Variants in HDAC4 observed in about 807,000 individuals in gnomAD.
The protein encoded by HDAC4 is histone deacetylase A.
In HDAC4, 16 loss-of-function variants were observed where a neutral mutation model predicts 135.1. The observed-to-expected ratio is 0.12, with a 90% CI of 0.08 to 0.18. The LOEUF is 0.18. Among genes scored for constraint, HDAC4 ranks in the 10% least tolerant of loss-of-function variants. The pLI is 1.00. For missense variants in HDAC4, 1,143 were observed against 1,511.8 expected, an observed-to-expected ratio of 0.76 and a Z score of 4.05; for synonymous variants, 685 against 653.4, an observed-to-expected ratio of 1.05 and a Z score of -0.74.
intron 12 of HDAC4, among the ~76,000 whole-genome samples, chr2:239,120,516 G>A (rs1408062946): frequency 6.6e-6 from 1 of 150,700 alleles, no homozygotes; most frequent in Admixed American, 6.6e-5. Context: ...GGCACACAGA[G>A]ACAAGGAGAG....
At chr2:239,376,428 G>C (rs1183078520) in intron 1 of HDAC4, among the ~76,000 whole-genome samples, 2 of 150,294 alleles carry the variant, frequency 1.3e-5, no homozygotes, top group Non-Finnish European at 3.0e-5. Flanking sequence ...ATGGTGCCCA[G>C]ATGTGAGGAA....
At position 239,156,723 on chromosome 2, in the gene HDAC4, A is replaced by C; in HGVS notation, c.662T>G (p.Val221Gly). The change falls in exon 7 of 27, where the codon GTG (valine) becomes GGG (glycine). Residue 221 changes from valine (V) to glycine (G), a missense_variant. This residue lies in a region of HDAC4 where 247 missense variants were observed against 310.0 expected (regional missense o/e 0.80). Transcript: ENST00000543185. Reference protein sequence around the residue: ...LDQSSPPQSGVSTSYNHPVLG... With the variant: ...LDQSSPPQSGGSTSYNHPVLG... The stretch of plus-strand genomic sequence containing the variant: ...GACCGGGTGGTTATAGGAGGTCGAC[A>C]CTCCGCTCTGGGGTGGAGAACTCTG... 3 of 1,614,026 alleles carry C rather than the reference A, an allele frequency of 1.9e-6. No individual in the cohort carries two copies. The highest frequency in any genetic ancestry group is 2.5e-6 in the Non-Finnish European group (3 of 1,180,002).
rs1319064795 is a variant in HDAC4, at chr2:239,309,752, C to T, written c.22+42926G>A. ...GAGGCAATCCCCCCACACACCATCCCCTTCCCCTTCGCTCATCTGGGGAAG... is the reference window on the plus strand; with the variant it reads ...GAGGCAATCCCCCCACACACCATCCTCTTCCCCTTCGCTCATCTGGGGAAG... On this transcript the variant is annotated intron_variant, in intron 2 of 26. Coordinates refer to ENST00000543185, the MANE Select transcript of HDAC4 (RefSeq NM_001378414.1). This position sits in a 1 kb window ranked among gnomAD's most constrained non-coding sequence, Gnocchi z 4.2. Among the ~76,000 whole-genome samples the T allele has an allele frequency of 6.6e-6, 1 of 152,220 alleles. No homozygotes were observed. The highest frequency in any genetic ancestry group is 1.9e-4 in the East Asian group (1 of 5,174).
Position 239,237,490 on chromosome 2 carries a change from G to C in HDAC4, c.23-826C>G, listed in dbSNP as rs543415199. ...GTCATTTTCCTTACTAAGCGAAGGA[G>C]AGCACCAGTTTCGCAGGGCAGCCAT... On this transcript the variant is annotated intron_variant, in intron 2 of 26. Transcript: ENST00000543185. Among the ~76,000 whole-genome samples the C allele has an allele frequency of 5.3e-5, 8 of 151,814 alleles. No individual in the cohort carries two copies. The East Asian group carries it at 1.4e-3, about 26-fold the overall frequency.
intron 3 of HDAC4, among the ~76,000 whole-genome samples, chr2:239,231,195 C>T (rs112165394): frequency 7.2e-5 from 11 of 152,310 alleles, no homozygotes; most frequent in African/African-American, 2.6e-4. Context: ...TTTCCCAGGA[C>T]ACAGGTACAG....
intron 2 of HDAC4, among the ~76,000 whole-genome samples, chr2:239,279,029 GA>G (rs1438748021): frequency 1.3e-5 from 2 of 152,230 alleles, no homozygotes; most frequent in African/African-American, 2.4e-5. Flanking sequence ...CAGAAAGAAA[GA>G]AAAGTGGGGC....
intron 3 of HDAC4, among the ~76,000 whole-genome samples, chr2:239,192,688 G>A (rs998485586): frequency 1.3e-5 from 2 of 152,130 alleles, no homozygotes; most frequent in Admixed American, 6.5e-5. Context: ...CCTCTTCCGC[G>A]TTCATGGCTG....
intron 3 of HDAC4, among the ~76,000 whole-genome samples, chr2:239,222,528 C>T (rs1305473413): frequency 1.7e-5 from 2 of 116,566 alleles, no homozygotes; most frequent in South Asian, 6.9e-4. Context: ...AGGCCTTACC[C>T]CATACCAAAA....
At chr2:239,150,477 CACACACAGGTACACACACAGATAT>C (rs934770788) in intron 7 of HDAC4, among the ~76,000 whole-genome samples, 11 of 151,932 alleles carry the variant, frequency 7.2e-5, no homozygotes, top group Admixed American at 1.3e-4. Context: ...AACACAGATA[CACACACAGGTACACACACAGATAT>C]ACACACAGGT....
At chr2:239,070,060 C>T (rs1348729344) in intron 22 of HDAC4, among the ~76,000 whole-genome samples, 2 of 152,088 alleles carry the variant, frequency 1.3e-5, no homozygotes, top group Admixed American at 1.3e-4. Context: ...GCTCCACTCG[C>T]CCCATCAGGC....
chr2:239,296,931 C>T (rs370085486), intron 2 of HDAC4, among the ~76,000 whole-genome samples: 4 of 151,872 alleles, frequency 2.6e-5, no homozygotes, highest in African/African-American at 9.7e-5. Context: ...TTTGATTGTC[C>T]CCGCCAAAGA....
chr2:239,323,621 G>T (rs1345138479), intron 2 of HDAC4, among the ~76,000 whole-genome samples: 1 of 152,172 alleles, frequency 6.6e-6, no homozygotes. Flanking sequence ...CCAAGAACCC[G>T]CGGCCAACGA....
chr2:239,248,555 A>G (rs1039374797), intron 2 of HDAC4, among the ~76,000 whole-genome samples: 6 of 152,200 alleles, frequency 3.9e-5, no homozygotes, highest in Non-Finnish European at 8.8e-5. Flanking sequence ...TATTGTTGCC[A>G]TATCTTGCTA....
rs1405642712 is a variant in HDAC4, at chr2:239,139,320, C to A, written c.978+364G>T. ...TCAGCCACCCTCAGAGCACTGGCGA[C>A]CACAGCGAGCTGGGCAGCAGGGATC... On this transcript the variant is annotated intron_variant, in intron 9 of 26. Transcript: ENST00000543185. The surrounding 1 kb of genome is among the most constrained non-coding windows in gnomAD (Gnocchi z 5.3). Among the ~76,000 whole-genome samples the A allele has an allele frequency of 6.6e-6, 1 of 152,194 alleles. No homozygotes were observed. Among genetic ancestry groups the A allele is most frequent in the African/African-American group, 2.4e-5 (1 of 41,442 alleles).
chr2:239,269,258 CA>C (rs2049924345), intron 2 of HDAC4, among the ~76,000 whole-genome samples: 5 of 149,790 alleles, frequency 3.3e-5, no homozygotes, highest in African/African-American at 1.3e-4. Context: ...CACATTCACA[CA>C]CCCACACATT....
rs1030206827 is a variant in HDAC4 at position 239,123,772 on chromosome 2, C to T, written c.1533+2684G>A. On this transcript the variant is annotated intron_variant, in intron 12 of 26. Transcript: ENST00000543185. ...TAATGGTATCAGGAGGTCAGGGCTG[C>T]GGGAAGAGGCAGCAGTGTTGGTGGT... Among the ~76,000 whole-genome samples, 9 of 152,276 alleles carry T rather than the reference C, an allele frequency of 5.9e-5. 1 individual carries two copies. The highest frequency in any genetic ancestry group is 1.9e-4 in the East Asian group (1 of 5,184).
chr2:239,378,610 C>T (rs1695191186), intron 1 of HDAC4, among the ~76,000 whole-genome samples: 1 of 152,056 alleles, frequency 6.6e-6, no homozygotes, highest in East Asian at 1.9e-4. Flanking sequence ...CCTGAAACGG[C>T]CCCGGGAACC....
chr2:239,289,665 C>T (rs954225194), intron 2 of HDAC4, among the ~76,000 whole-genome samples: 3 of 152,190 alleles, frequency 2.0e-5, no homozygotes, highest in South Asian at 2.1e-4. Flanking sequence ...GTGTTGGGCA[C>T]GCAGGGCCCC....
At chr2:239,343,144 A>T (rs1692399068) in intron 2 of HDAC4, among the ~76,000 whole-genome samples, 1 of 152,234 alleles carries the variant, frequency 6.6e-6, no homozygotes, top group Non-Finnish European at 1.5e-5. Flanking sequence ...TATAATTCAA[A>T]AAAGTTTAGG....
Sources: gnomAD v4.1 joint callset for allele counts (sites outside exome capture counted in the v4.1 genomes callset) on GRCh38, gnomAD v4.1.1 for gene constraint, gnomAD v4.1.1 regional missense constraint, Gnocchi (gnomAD v3.1) non-coding constraint, MANE v1.5 for transcripts, NCBI Gene and HGNC (gene_info 2026-07-23, HGNC 2026-07-21) for gene names.